TOX: variants seen among roughly 807,000 people sequenced by gnomAD.
The protein encoded by TOX is thymocyte selection associated high mobility group box.
In TOX, 11 loss-of-function variants were observed where a neutral mutation model predicts 53.7. That is an observed-to-expected ratio of 0.20 (90% CI 0.13 to 0.34). The LOEUF is 0.34. Among genes scored for constraint, TOX ranks in the 10% least tolerant of loss-of-function variants. The probability of loss-of-function intolerance (pLI) is 1.00; values close to 1 mark genes in which losing one functional copy is unlikely to be tolerated. For synonymous variants in TOX, 225 were observed against 245.3 expected, an observed-to-expected ratio of 0.92 and a Z score of 0.77; for missense variants, 570 against 664.6, an observed-to-expected ratio of 0.86 and a Z score of 1.56.
At chr8:58,838,554 T>C (rs181655807) in intron 4 of TOX, among the ~76,000 whole-genome samples, 1 of 152,276 alleles carries the variant, frequency 6.6e-6, no homozygotes, top group East Asian at 1.9e-4. Context: ...TGGCTCTTTT[T>C]ATATTATTAC....
In TOX at chr8:59,118,915, G is replaced by C. The variant is rs139280526; in HGVS notation, c.73C>G (p.Pro25Ala). The part of the protein sequence containing the change: ...APDAPCLGPS[P>A]CLDPYYCNKF... ...TTGCAATAGTAGGGGTCCAGGCAGG[G>C]AGAAGGTCCCAGACAGGGAGCGTCG... The change falls in exon 1 of 9, where the codon CCC becomes GCC. Residue 25 changes from proline to alanine, a missense_variant. Pro to Ala is a conservative substitution (Grantham distance 27). Around this residue, in one of 3 missense-constraint regions of TOX, gnomAD observed 282 missense variants for 315.0 expected, o/e 0.90. Coordinates refer to ENST00000361421, the MANE Select transcript of TOX (RefSeq NM_014729.3). This position sits in a 1 kb window ranked among gnomAD's most constrained non-coding sequence, Gnocchi z 4.1. 2.9e-4 allele frequency: 462 copies of C among 1,598,108 alleles called. 1 individual carries two copies. Among genetic ancestry groups the C allele is most frequent in the Non-Finnish European group, 3.7e-4 (432 of 1,172,088 alleles).
chr8:58,919,077 C>T (rs1228529758), intron 3 of TOX, among the ~76,000 whole-genome samples: 8 of 149,510 alleles, frequency 5.4e-5, no homozygotes, highest in African/African-American at 2.0e-4. Flanking sequence ...AATGGAAGAA[C>T]ATTCCATGCT....
chr8:58,866,279 A>C (rs1251626043), intron 3 of TOX, among the ~76,000 whole-genome samples: 1 of 152,236 alleles, frequency 6.6e-6, no homozygotes, highest in African/African-American at 2.4e-5. Flanking sequence ...GAGAAGGTAC[A>C]CTGACTGACA....
At chr8:58,843,938 T>A (rs191749656) in intron 4 of TOX, among the ~76,000 whole-genome samples, 3 of 152,230 alleles carry the variant, frequency 2.0e-5, no homozygotes, top group African/African-American at 7.2e-5. Flanking sequence ...GGATGCACTT[T>A]GAAAGATACT....
intron 1 of TOX, among the ~76,000 whole-genome samples, chr8:58,998,875 T>G (rs1014191146): frequency 2.0e-5 from 3 of 151,956 alleles, no homozygotes; most frequent in African/African-American, 7.3e-5. Context: ...ACATTGAGTT[T>G]CCTAAACTCT....
At chr8:58,895,562 C>CA (rs1811630657) in intron 3 of TOX, among the ~76,000 whole-genome samples, 2 of 152,158 alleles carry the variant, frequency 1.3e-5, no homozygotes, top group Admixed American at 6.5e-5. Flanking sequence ...TGAAGCCTTG[C>CA]AGTTAAAGCA....
chr8:59,059,775 G>T (rs1224948000), intron 1 of TOX, among the ~76,000 whole-genome samples: 1 of 152,178 alleles, frequency 6.6e-6, no homozygotes, highest in Non-Finnish European at 1.5e-5. Context: ...CATATTTAGT[G>T]CTGCTTTGTG....
chr8:58,971,690 C>T (rs1302051803), intron 1 of TOX, among the ~76,000 whole-genome samples: 5 of 23,142 alleles, frequency 2.2e-4, no homozygotes, highest in African/African-American at 1.7e-3. Context: ...AGATTTTTTT[C>T]GTTTTGTTTT....
intron 4 of TOX, among the ~76,000 whole-genome samples, chr8:58,842,336 T>G (rs986203051): frequency 1.3e-5 from 2 of 152,118 alleles, no homozygotes; most frequent in African/African-American, 4.8e-5. Flanking sequence ...AAAAGACAAC[T>G]TTTTCTCTCT....
intron 1 of TOX, among the ~76,000 whole-genome samples, chr8:59,006,454 G>A (rs1813794134): frequency 6.6e-6 from 1 of 152,178 alleles, no homozygotes; most frequent in Admixed American, 6.5e-5. Flanking sequence ...AGAGGAGGAG[G>A]AGGAGAGGTA....
At chr8:59,062,740 CA>C (rs1804008253) in intron 1 of TOX, among the ~76,000 whole-genome samples, 1 of 151,890 alleles carries the variant, frequency 6.6e-6, no homozygotes, top group South Asian at 2.1e-4. Context: ...TTGGTTTTCT[CA>C]AAAATTATAC....
chr8:59,070,297 G>A (rs1057377617), intron 1 of TOX, among the ~76,000 whole-genome samples: 5 of 152,120 alleles, frequency 3.3e-5, no homozygotes, highest in African/African-American at 1.2e-4. Flanking sequence ...TACCTACACA[G>A]TGACAAACTA....
chr8:58,874,968 T>C (rs1811259705), intron 3 of TOX, among the ~76,000 whole-genome samples: 1 of 152,236 alleles, frequency 6.6e-6, no homozygotes, highest in Non-Finnish European at 1.5e-5. Flanking sequence ...CATTCAAAGC[T>C]GTCCTGGGCC....
chr8:58,963,113 T>TG (rs1266295406), intron 1 of TOX, among the ~76,000 whole-genome samples: 1 of 152,210 alleles, frequency 6.6e-6, no homozygotes, highest in Non-Finnish European at 1.5e-5. Context: ...TTCACTGTTT[T>TG]GGGGCATGAC....
At chr8:58,845,237 T>C (rs1810703579) in intron 4 of TOX, among the ~76,000 whole-genome samples, 1 of 152,152 alleles carries the variant, frequency 6.6e-6, no homozygotes, top group Non-Finnish European at 1.5e-5. Context: ...ATCGCTGTAG[T>C]TTAAAATAGA....
intron 3 of TOX, among the ~76,000 whole-genome samples, chr8:58,915,700 G>C (rs1204583474): frequency 6.6e-6 from 1 of 151,762 alleles, no homozygotes; most frequent in Non-Finnish European, 1.5e-5. Flanking sequence ...AAGCTGGATG[G>C]AGAATGATTT....
chr8:58,873,571 T>C (rs1811231457), intron 3 of TOX, among the ~76,000 whole-genome samples: 2 of 152,156 alleles, frequency 1.3e-5, no homozygotes, highest in Admixed American at 6.6e-5. Flanking sequence ...CTGATGCTTC[T>C]ACTACATTCT....
chr8:59,073,905 G>A (rs1004770455), intron 1 of TOX, among the ~76,000 whole-genome samples: 1 of 152,082 alleles, frequency 6.6e-6, no homozygotes, highest in Admixed American at 6.5e-5. Flanking sequence ...CGGATATTAC[G>A]AAAAACAAAG....
intron 1 of TOX, among the ~76,000 whole-genome samples, chr8:58,961,495 C>T (rs964639519): frequency 1.3e-5 from 2 of 151,556 alleles, no homozygotes; most frequent in Non-Finnish European, 1.5e-5. Flanking sequence ...AGTTAAGTGA[C>T]TTACCCCAGG....
Sources: gnomAD v4.1 joint callset for allele counts (sites outside exome capture counted in the v4.1 genomes callset) on GRCh38, gnomAD v4.1.1 for gene constraint, gnomAD v4.1.1 regional missense constraint, Gnocchi (gnomAD v3.1) non-coding constraint, MANE v1.5 for transcripts, NCBI Gene and HGNC (gene_info 2026-07-23, HGNC 2026-07-21) for gene names.